The following ERAP1 variants were observed in gnomAD, a reference collection of about 807,000 sequenced individuals.
ERAP1 encodes endoplasmic reticulum aminopeptidase 1, also known as adipocyte-derived leucine aminopeptidase.
Under a neutral mutation model 103.7 loss-of-function variants are expected in ERAP1, and 86 were observed. That is an observed-to-expected ratio of 0.83 (90% CI 0.70 to 0.99). The LOEUF (loss-of-function observed/expected upper bound fraction) is 0.99, where lower values mean the gene tolerates loss of function less well. Ranked by LOEUF, ERAP1 falls within the 50% of genes least tolerant of loss-of-function variation. ERAP1 has a pLI of 0.00. For synonymous variants in ERAP1, 398 were observed against 402.4 expected, an observed-to-expected ratio of 0.99 and a Z score of 0.13; for missense variants, 1,009 against 1,128.4, an observed-to-expected ratio of 0.89 and a Z score of 1.52.
chr5:96,864,121 T>G, the ERAP1 span, among the ~76,000 whole-genome samples: 1 of 152,188 alleles, frequency 6.6e-6, no homozygotes, highest in East Asian at 1.9e-4. Flanking sequence ...GGGGCAATAG[T>G]TGACTTCCTG....
the ERAP1 span, among the ~76,000 whole-genome samples, chr5:96,867,131 C>T: frequency 1.9e-4 from 29 of 151,982 alleles, no homozygotes; most frequent in African/African-American, 6.5e-4. Context: ...CTCAGCCTCC[C>T]GAGTAGCTGA....
chr5:96,808,215 T>C (rs1778900377), upstream of ERAP1: 2 of 317,146 alleles, frequency 6.3e-6, no homozygotes, highest in African/African-American at 5.1e-5. Context: ...TGTGTGTGTG[T>C]GTGTGTGTGT....
chr5:96,876,383 C>G, the ERAP1 span: 3 of 152,300 alleles, frequency 2.0e-5, no homozygotes, highest in African/African-American at 7.2e-5. Context: ...AAGCTCTTAT[C>G]CTAAGCTCCA....
chr5:96,918,512 G>C, the ERAP1 span: 1 of 152,190 alleles, frequency 6.6e-6, no homozygotes, highest in Admixed American at 6.5e-5. Flanking sequence ...CTCAAGGGTA[G>C]ATTTTTGAGA....
At chr5:96,895,792 T>C in the ERAP1 span, among the ~76,000 whole-genome samples, 1 of 152,188 alleles carries the variant, frequency 6.6e-6, no homozygotes, top group Non-Finnish European at 1.5e-5. Flanking sequence ...AAGGGATTTC[T>C]TCAGGTACGT....
the ERAP1 span, chr5:96,873,643 G>C: frequency 2.9e-6 from 1 of 344,342 alleles, no homozygotes; most frequent in East Asian, 7.6e-5. Flanking sequence ...ACCCTGATGT[G>C]CTTGAAGCAT....
upstream of ERAP1, among the ~76,000 whole-genome samples, chr5:96,810,977 T>C (rs541296287): frequency 1.3e-5 from 2 of 152,248 alleles, no homozygotes; most frequent in Admixed American, 1.3e-4. Flanking sequence ...GGCCTGCTCT[T>C]ATTAAACAGG....
the ERAP1 span, chr5:96,902,295 G>A: frequency 6.2e-7 from 1 of 1,611,018 alleles, no homozygotes; most frequent in Non-Finnish European, 8.5e-7. Flanking sequence ...ATATCCCATT[G>A]ACCTACTCCA....
At chr5:96,802,489 C>T (rs934917169) in intron 2 of ERAP1, among the ~76,000 whole-genome samples, 1 of 152,096 alleles carries the variant, frequency 6.6e-6, no homozygotes, top group African/African-American at 2.4e-5. Context: ...ATAAATTTTA[C>T]TTTCTTACCT....
chr5:96,826,653 C>T, the ERAP1 span, among the ~76,000 whole-genome samples: 2 of 152,136 alleles, frequency 1.3e-5, no homozygotes, highest in African/African-American at 2.4e-5. Context: ...GTGCCTCCTC[C>T]AGTCAGCCAG....
chr5:96,843,544 T>G, the ERAP1 span, among the ~76,000 whole-genome samples: 1 of 152,204 alleles, frequency 6.6e-6, no homozygotes. Flanking sequence ...GGAATAACCC[T>G]TTTGTTACTT....
chr5:96,913,557 ACCATTTGTAT>A, the ERAP1 span: 2 of 1,360,680 alleles, frequency 1.5e-6, no homozygotes, highest in Non-Finnish European at 2.1e-6. Context: ...TATAAATAAT[ACCATTTGTAT>A]CCAAATAGTT....
At chr5:96,887,520 G>A in the ERAP1 span, among the ~76,000 whole-genome samples, 5 of 152,068 alleles carry the variant, frequency 3.3e-5, no homozygotes, top group Non-Finnish European at 7.4e-5. Context: ...GGCTGGTTTT[G>A]AACTCCTGAC....
At chr5:96,886,670 C>T in the ERAP1 span, 1 of 1,536,908 alleles carries the variant, frequency 6.5e-7, no homozygotes, top group Non-Finnish European at 8.9e-7. Context: ...GACAATTGAA[C>T]TTGAAGGAGG....
the ERAP1 span, among the ~76,000 whole-genome samples, chr5:96,822,599 G>A: frequency 6.6e-6 from 1 of 152,168 alleles, no homozygotes; most frequent in Non-Finnish European, 1.5e-5. Context: ...TTCTTGGCCA[G>A]GCATGGTGGC....
chr5:96,800,880 G>C lies in ERAP1; in HGVS notation c.645C>G (p.Ala215=), dbSNP rs748048209. The stretch of plus-strand genomic sequence containing the variant: ...GACTCACCAATGGCATATTGGAGAT[G>C]GCTAGGTGCCTTGGCTCTCTTCTAA... ...IKIRREPRHL[A]ISNMPLVKSV... The change falls in exon 3 of 19, where the codon GCC becomes GCG. Residue 215 remains alanine (A), a synonymous_variant. Transcript: ENST00000443439. 6.2e-7 allele frequency: 1 copy of C among 1,614,150 alleles called. No homozygotes were observed.
chr5:96,929,296 C>A, the ERAP1 span, among the ~76,000 whole-genome samples: 57,248 of 152,048 alleles, frequency 0.38, 10,919 homozygotes, highest in Non-Finnish European at 0.42. Flanking sequence ...CAGCAGAATT[C>A]TTTCCTCCAA....
chr5:96,884,012 G>T, the ERAP1 span: 1 of 1,315,080 alleles, frequency 7.6e-7, no homozygotes, highest in Middle Eastern at 1.9e-4. Context: ...TTGCTTTCAG[G>T]ATTTCAGCCA....
chr5:96,858,778 T>A, the ERAP1 span, among the ~76,000 whole-genome samples: 5 of 152,068 alleles, frequency 3.3e-5, no homozygotes, highest in Non-Finnish European at 5.9e-5. Context: ...TGTAAATAGA[T>A]AGTTACTGTA....
Sources: gnomAD v4.1 joint callset for allele counts (sites outside exome capture counted in the v4.1 genomes callset) on GRCh38, gnomAD v4.1.1 for gene constraint, MANE v1.5 for transcripts, NCBI Gene and HGNC (gene_info 2026-07-23, HGNC 2026-07-21) for gene names.